Variants in GATAD2B observed in about 807,000 individuals in gnomAD.
The protein encoded by GATAD2B is GATA zinc finger domain containing 2B.
Under a neutral mutation model 64.3 loss-of-function variants are expected in GATAD2B, and 8 were observed. The ratio of observed to expected loss-of-function variants is 0.12; its 90% confidence interval spans 0.07 to 0.22. The LOEUF (loss-of-function observed/expected upper bound fraction) is 0.22, where lower values mean the gene tolerates loss of function less well. Ranked by LOEUF, GATAD2B falls within the 10% of genes least tolerant of loss-of-function variation. GATAD2B has a pLI of 1.00. For missense variants in GATAD2B, 453 were observed against 752.0 expected (o/e 0.60, Z 4.65); for synonymous variants, 281 against 271.3 (o/e 1.04, Z -0.35).
chr1:153,812,290 C>G (rs113662629), intron 8 of GATAD2B, 158 bp from the exon 9 acceptor site: 3 of 582,988 alleles, frequency 5.1e-6, no homozygotes, highest in Non-Finnish European at 9.1e-6. Context: ...TTAGCCTCCC[C>G]AAAGTGCTGG....
intron 1 of GATAD2B, among the ~76,000 whole-genome samples, chr1:153,874,491 C>T (rs1287938855): frequency 6.6e-6 from 1 of 152,116 alleles, no homozygotes; most frequent in East Asian, 1.9e-4. Flanking sequence ...AAATCCTATT[C>T]CTAAAAATCT....
At chr1:153,899,398 A>G (rs1305836878) in intron 1 of GATAD2B, among the ~76,000 whole-genome samples, 1 of 152,058 alleles carries the variant, frequency 6.6e-6, no homozygotes. Flanking sequence ...GTGAAACCCC[A>G]TTTCTACTAA....
intron 1 of GATAD2B, among the ~76,000 whole-genome samples, chr1:153,904,237 G>A (rs571256774): frequency 1.4e-3 from 218 of 151,664 alleles, no homozygotes; most frequent in Non-Finnish European, 2.5e-3. Context: ...CCAAGATTAC[G>A]CCACTACACT....
At chr1:153,844,981 A>T (rs1462228980) in intron 1 of GATAD2B, among the ~76,000 whole-genome samples, 1 of 152,202 alleles carries the variant, frequency 6.6e-6, no homozygotes, top group Non-Finnish European at 1.5e-5. Flanking sequence ...AAGAATAATC[A>T]ATCAGAAGAA....
intron 1 of GATAD2B, among the ~76,000 whole-genome samples, chr1:153,848,511 T>A (rs1300373288): frequency 6.6e-6 from 1 of 152,198 alleles, no homozygotes; most frequent in East Asian, 1.9e-4. Flanking sequence ...TAGTTTCTAC[T>A]CATCTTTCCA....
intron 2 of GATAD2B, among the ~76,000 whole-genome samples, chr1:153,821,311 C>T (rs562627731): frequency 1.3e-5 from 2 of 152,072 alleles, no homozygotes; most frequent in South Asian, 4.2e-4. Context: ...GAACAGGGAA[C>T]CCCGATCACT....
intron 1 of GATAD2B, among the ~76,000 whole-genome samples, chr1:153,878,364 A>C (rs970330562): frequency 2.0e-5 from 3 of 151,964 alleles, no homozygotes; most frequent in Non-Finnish European, 4.4e-5. Context: ...CCTGAGCTCA[A>C]GCAATTCTGC....
chr1:153,903,875 T>C (rs979334608), intron 1 of GATAD2B, among the ~76,000 whole-genome samples: 2 of 152,138 alleles, frequency 1.3e-5, no homozygotes, highest in African/African-American at 4.8e-5. Flanking sequence ...TCCCAGCTAC[T>C]TGAGAGGTTA....
At chr1:153,919,150 C>G (rs1300387574) in intron 1 of GATAD2B, among the ~76,000 whole-genome samples, 1 of 152,188 alleles carries the variant, frequency 6.6e-6, no homozygotes, top group East Asian at 1.9e-4. Flanking sequence ...GATCTGACCA[C>G]TTCATATCTC....
intron 1 of GATAD2B, among the ~76,000 whole-genome samples, chr1:153,912,812 G>T (rs961145274): frequency 6.6e-5 from 10 of 152,214 alleles, no homozygotes; most frequent in Non-Finnish European, 1.5e-4. Flanking sequence ...GACAGGACAG[G>T]CTGGGCACAG....
At chr1:153,900,177 G>A (rs2101959359) in intron 1 of GATAD2B, among the ~76,000 whole-genome samples, 1 of 152,092 alleles carries the variant, frequency 6.6e-6, no homozygotes, top group Non-Finnish European at 1.5e-5. Flanking sequence ...CAGCACTTTG[G>A]GAGGCCGAGG....
rs575110144 is a variant in GATAD2B, at chr1:153,821,017, T to C, written c.336-1282A>G. Among the ~76,000 whole-genome samples, 3 of 127,058 alleles carry C rather than the reference T, an allele frequency of 2.4e-5. No homozygotes were observed. The East Asian group carries it at 8.2e-4, about 35-fold the overall frequency. 83.4% of individuals were successfully genotyped at this position (127,058 alleles called of 152,430 possible). On this transcript the variant is annotated intron_variant, in intron 2 of 10. Transcript: ENST00000368655. ...TTTTTTTTTTTTTTTTGAGACAGGG[T>C]CTCACTCTATTGCCCAGGCTGGAGT...
chr1:153,892,290 T>C (rs1158698050), intron 1 of GATAD2B, among the ~76,000 whole-genome samples: 1 of 151,816 alleles, frequency 6.6e-6, no homozygotes, highest in African/African-American at 2.4e-5. Flanking sequence ...TATTATAGTA[T>C]ATAGAACACT....
At chr1:153,817,225 C>T in intron 6 of GATAD2B, 147 bp downstream of exon 6, 1 of 654,244 alleles carries the variant, frequency 1.5e-6, no homozygotes, top group Non-Finnish European at 2.5e-6. Flanking sequence ...ACTTTTGGGA[C>T]TGCTCTCAAT....
intron 8 of GATAD2B, 22 bp downstream of exon 8, chr1:153,813,228 A>C (rs1437708370): frequency 6.3e-7 from 1 of 1,597,348 alleles, no homozygotes; most frequent in South Asian, 1.1e-5. Flanking sequence ...ACAGGTGGCC[A>C]GTGAGCAGTC....
At chr1:153,837,388 A>C (rs533613168) in intron 1 of GATAD2B, among the ~76,000 whole-genome samples, 2 of 150,268 alleles carry the variant, frequency 1.3e-5, no homozygotes, top group South Asian at 4.2e-4. Flanking sequence ...AAAAAAAAAA[A>C]CACAGTAGAA....
At chr1:153,865,168 G>A (rs971575043) in intron 1 of GATAD2B, among the ~76,000 whole-genome samples, 2 of 150,120 alleles carry the variant, frequency 1.3e-5, no homozygotes, top group Non-Finnish European at 3.0e-5. Context: ...TAAAATCTAC[G>A]TCTAATTCTG....
At chr1:153,817,706 T>G (rs1481468259) in intron 5 of GATAD2B, among the ~76,000 whole-genome samples, 164 bp from the exon 6 acceptor site, 1 of 152,212 alleles carries the variant, frequency 6.6e-6, no homozygotes, top group Non-Finnish European at 1.5e-5. Context: ...GGGATAAATC[T>G]ACCATCATTG....
At chr1:153,850,883 T>C (rs1268567060) in intron 1 of GATAD2B, among the ~76,000 whole-genome samples, 2 of 151,382 alleles carry the variant, frequency 1.3e-5, no homozygotes, top group African/African-American at 2.4e-5. Context: ...AACGCGCCAC[T>C]ACACTACAGC....
Sources: gnomAD v4.1 joint callset for allele counts (sites outside exome capture counted in the v4.1 genomes callset) on GRCh38, gnomAD v4.1.1 for gene constraint, MANE v1.5 for transcripts, NCBI Gene and HGNC (gene_info 2026-07-23, HGNC 2026-07-21) for gene names.